Variants in ZNF90 observed in about 807,000 individuals in gnomAD.
The protein encoded by ZNF90 is zinc finger protein HTF9.
In ZNF90, 11 loss-of-function variants were observed where a neutral mutation model predicts 12.0. The ratio of observed to expected loss-of-function variants is 0.92; its 90% confidence interval spans 0.58 to 1.52. ZNF90 has a LOEUF of 1.52. Ranked by LOEUF, ZNF90 falls within the 40% of genes most tolerant of loss-of-function variation. The pLI, the probability that ZNF90 is intolerant of heterozygous loss-of-function variation, is 0.00. For synonymous variants in ZNF90, 232 were observed against 240.1 expected (o/e 0.97, Z 0.31); for missense variants, 765 against 711.5 (o/e 1.08, Z -0.86).
In ZNF90 at chr19:20,119,943, A is replaced by G. The variant is rs782588681; in HGVS notation, c.*583A>G. ...TTCATGCTGAAGAGGAACTTTACAA[A>G]CTTGAAAGATGTGACAGTGCTTTTA... On this transcript the variant is annotated 3_prime_UTR_variant, in exon 4 of 4. Coordinates refer to ENST00000418063, the MANE Select transcript of ZNF90 (RefSeq NM_007138.2). Among the ~76,000 whole-genome samples the G allele has an allele frequency of 6.6e-6, 1 of 152,172 alleles. No homozygotes were observed. The highest frequency in any genetic ancestry group is 1.5e-5 in the Non-Finnish European group (1 of 68,036).
intron 3 of ZNF90, chr19:20,117,514 C>T (rs1654274): frequency 0.15 from 133,516 of 873,280 alleles, 11,767 homozygotes; most frequent in East Asian, 0.51. Flanking sequence ...CTTGGGTCAC[C>T]GCAATCTCCG....
chr19:20,113,438 C>A (rs1233634726), intron 3 of ZNF90, among the ~76,000 whole-genome samples: 4 of 152,030 alleles, frequency 2.6e-5, no homozygotes, highest in Non-Finnish European at 4.4e-5. Flanking sequence ...GGTGATCTGC[C>A]CACCTTGGCC....
rs540010908 is a variant in ZNF90 at position 20,106,494 on chromosome 19, A to G, written c.226+1178A>G. On this transcript the variant is annotated intron_variant, in intron 3 of 3. Transcript: ENST00000418063. ...TTTTGAGACGGAGTCTTGCTCTGTC[A>G]CCCAGGCTGGAGTGCAGTGGCGCGA... Among the ~76,000 whole-genome samples, 71 of 152,282 alleles carry G rather than the reference A, an allele frequency of 4.7e-4. 3 individuals carry two copies. In the South Asian group the frequency reaches 6.2e-3, roughly 13 times the overall value.
intron 3 of ZNF90, among the ~76,000 whole-genome samples, chr19:20,108,754 T>C (rs1433711937): frequency 8.6e-6 from 1 of 116,720 alleles, no homozygotes; most frequent in Non-Finnish European, 1.7e-5. Flanking sequence ...TTTTTTGAGA[T>C]GGAGTCTCAT....
intron 3 of ZNF90, among the ~76,000 whole-genome samples, 169 bp downstream of exon 3, chr19:20,105,485 C>T (rs782444352): frequency 6.6e-6 from 1 of 152,176 alleles, no homozygotes; most frequent in Non-Finnish European, 1.5e-5. Context: ...AAAGGGACAT[C>T]TTCTGTCTTA....
chr19:20,101,176 C>G (rs2088986898), intron 1 of ZNF90, among the ~76,000 whole-genome samples: 1 of 152,180 alleles, frequency 6.6e-6, no homozygotes, highest in African/African-American at 2.4e-5. Flanking sequence ...TTTGCCACTC[C>G]CGATTAGGCT....
intron 1 of ZNF90, among the ~76,000 whole-genome samples, chr19:20,090,276 T>C (rs2088892121): frequency 6.6e-6 from 1 of 152,076 alleles, no homozygotes. Context: ...CGTAAAGCCC[T>C]GTTGCAAAAA....
intron 3 of ZNF90, among the ~76,000 whole-genome samples, chr19:20,107,560 CT>C (rs1568289624): frequency 6.6e-6 from 1 of 152,156 alleles, no homozygotes; most frequent in African/African-American, 2.4e-5. Context: ...GTTCTGTAAC[CT>C]TAATGTTCCA....
chr19:20,095,946 T>G (rs1230581515), intron 1 of ZNF90, among the ~76,000 whole-genome samples: 2 of 152,174 alleles, frequency 1.3e-5, no homozygotes, highest in Non-Finnish European at 2.9e-5. Context: ...AACGTGAGTG[T>G]ATAATCAGAG....
At position 20,105,266 on chromosome 19, in the gene ZNF90, G is replaced by T; in HGVS notation, c.176G>T (p.Gly59Val). Residue 59 changes from glycine (G) to valine (V), a missense_variant, in exon 3 of 4, where the codon GGA becomes GTA. Transcript: ENST00000418063. The stretch of plus-strand genomic sequence containing the variant: ...GACCTGATCACCTGTCTGGAGCAAG[G>T]AAAAAAACCCTTCACTGTGAAGAGA... ...KPDLITCLEQ[G>V]KKPFTVKRHE... 5.0e-6 allele frequency: 8 copies of T among 1,607,188 alleles called. No individual in the cohort carries two copies. The highest frequency in any genetic ancestry group is 6.8e-6 in the Non-Finnish European group (8 of 1,176,696).
chr19:20,106,975 G>A (rs984106199), intron 3 of ZNF90: 1 of 454,438 alleles, frequency 2.2e-6, no homozygotes, highest in Non-Finnish European at 4.4e-6. Context: ...ACTTTGCTCT[G>A]TAGGGCAGAC....
At position 20,117,944 on chromosome 19, in the gene ZNF90, T is replaced by C. The variant is rs1298326096; in HGVS notation, c.390T>C (p.Tyr130=). The C allele has an allele frequency of 1.2e-6, 2 of 1,613,448 alleles. No homozygotes were observed. Among genetic ancestry groups the C allele is most frequent in the East Asian group, 2.2e-5 (1 of 44,878 alleles). Residue 130 remains tyrosine, a synonymous_variant, in exon 4 of 4, where the codon TAT becomes TAC. Transcript: ENST00000418063. ...VDEGKVHKRG[Y]NGLNQCLTAT... The stretch of plus-strand genomic sequence containing the variant: ...AGGGTAAAGTACACAAAAGAGGTTA[T>C]AATGGACTTAACCAATGTTTGACAG...
intron 1 of ZNF90, among the ~76,000 whole-genome samples, chr19:20,089,608 G>T (rs868924650): frequency 2.6e-5 from 4 of 152,140 alleles, no homozygotes; most frequent in African/African-American, 9.7e-5. Flanking sequence ...GTCCAAATAG[G>T]GGGGAAGTAG....
intron 3 of ZNF90, chr19:20,107,026 C>T: frequency 2.2e-6 from 1 of 454,358 alleles, no homozygotes; most frequent in East Asian, 6.9e-5. Flanking sequence ...ATATGGTGGG[C>T]CTTGTATCAG....
chr19:20,115,925 A>T (rs2089132915), intron 3 of ZNF90, among the ~76,000 whole-genome samples: 1 of 152,080 alleles, frequency 6.6e-6, no homozygotes, highest in Admixed American at 6.6e-5. Flanking sequence ...GTCAAGCTGG[A>T]AGCAGTGGTG....
Position 20,119,604 on chromosome 19 carries a change from T to A in ZNF90, c.*244T>A. The A allele has an allele frequency of 2.6e-6, 1 of 388,020 alleles. No homozygotes were observed. Among genetic ancestry groups the A allele is most frequent in the Non-Finnish European group, 4.6e-6 (1 of 219,554 alleles). The allele number at this position is 388,020 out of a possible 1,614,324, so 24.0% of individuals were successfully genotyped here. Reference sequence around the variant, plus strand: ...CAGGTGTGAAAAATGCAGCAAAGCCTATAACAAGTTCTCAATTCTTTTTTT... The same window carrying A: ...CAGGTGTGAAAAATGCAGCAAAGCCAATAACAAGTTCTCAATTCTTTTTTT... On this transcript the variant is annotated 3_prime_UTR_variant, in exon 4 of 4. Transcript: ENST00000418063.
At chr19:20,095,590 T>G (rs2088938004) in intron 1 of ZNF90, among the ~76,000 whole-genome samples, 1 of 150,822 alleles carries the variant, frequency 6.6e-6, no homozygotes, top group African/African-American at 2.4e-5. Context: ...AATAAGGGAT[T>G]GGGGCACAGA....
At chr19:20,081,072 C>CT (rs1053860039) in intron 1 of ZNF90, among the ~76,000 whole-genome samples, 86 of 152,264 alleles carry the variant, frequency 5.6e-4, no homozygotes, top group African/African-American at 1.7e-3. Context: ...AGACACCCCC[C>CT]TTTTCTTGCA....
intron 1 of ZNF90, among the ~76,000 whole-genome samples, chr19:20,099,899 A>G (rs1323602401): frequency 6.6e-6 from 1 of 152,340 alleles, no homozygotes; most frequent in African/African-American, 2.4e-5. Context: ...CCTATCAAAC[A>G]TCAGGAAGCC....
Sources: allele counts gnomAD v4.1 joint callset (sites outside exome capture counted in the v4.1 genomes callset), GRCh38; gene constraint gnomAD v4.1.1; transcripts MANE v1.5; gene names NCBI Gene and HGNC (gene_info 2026-07-23, HGNC 2026-07-21).